SNW1: variants seen among roughly 807,000 people sequenced by gnomAD.
The protein encoded by SNW1 is SNW domain containing 1, also known as SNW domain-containing protein 1.
Under a neutral mutation model 75.6 loss-of-function variants are expected in SNW1, and 9 were observed. The ratio of observed to expected loss-of-function variants is 0.12; its 90% CI spans 0.07 to 0.21. The LOEUF (loss-of-function observed/expected upper bound fraction) is 0.21, where lower values mean the gene tolerates loss of function less well. SNW1 is among the 10% of genes least tolerant of loss of function. The probability of loss-of-function intolerance (pLI) is 1.00; values close to 1 mark genes in which losing one functional copy is unlikely to be tolerated. For missense variants in SNW1, 409 were observed against 670.9 expected, an observed-to-expected ratio of 0.61 and a Z score of 4.31; for synonymous variants, 200 against 219.1, an observed-to-expected ratio of 0.91 and a Z score of 0.77.
chr14:77,757,044 G>A (rs1395817564), intron 1 of SNW1, among the ~76,000 whole-genome samples: 1 of 152,178 alleles, frequency 6.6e-6, no homozygotes, highest in Non-Finnish European at 1.5e-5. Flanking sequence ...ATTACAAAAG[G>A]ATCCTGATGG....
chr14:77,738,382 G>A (rs1043974028), intron 5 of SNW1, among the ~76,000 whole-genome samples: 1 of 152,094 alleles, frequency 6.6e-6, no homozygotes, highest in African/African-American at 2.4e-5. Context: ...GACAAGGCAG[G>A]AGGACTGCTT....
intron 3 of SNW1, among the ~76,000 whole-genome samples, chr14:77,750,102 G>A (rs1210898816): frequency 6.6e-6 from 1 of 152,218 alleles, no homozygotes; most frequent in African/African-American, 2.4e-5. Flanking sequence ...TCGAGAGGCT[G>A]AGGTGGGAGG....
intron 3 of SNW1, among the ~76,000 whole-genome samples, chr14:77,740,157 AAGAGAG>A (rs201162197): frequency 8.7e-6 from 1 of 114,346 alleles, no homozygotes; most frequent in African/African-American, 3.6e-5. Flanking sequence ...AAAAAAAAAA[AAGAGAG>A]AGATACAGAA....
intron 3 of SNW1, among the ~76,000 whole-genome samples, chr14:77,748,712 C>G (rs767155025): frequency 6.6e-6 from 1 of 151,836 alleles, no homozygotes; most frequent in Non-Finnish European, 1.5e-5. Flanking sequence ...CTCAGCCTCC[C>G]GAGTAGCTGG....
chr14:77,732,305 T>C (rs1240025901), intron 9 of SNW1, among the ~76,000 whole-genome samples, 180 bp downstream of exon 9: 2 of 152,210 alleles, frequency 1.3e-5, no homozygotes, highest in South Asian at 2.1e-4. Flanking sequence ...TATGTACACA[T>C]CTACAAAAGC....
intron 12 of SNW1, 55 bp from the exon 13 acceptor site, chr14:77,718,585 T>C (rs993530193): frequency 1.1e-5 from 13 of 1,208,002 alleles, no homozygotes; most frequent in Non-Finnish European, 1.3e-5. Context: ...TATCAAAAGC[T>C]GAATCATAAC....
intron 2 of SNW1, among the ~76,000 whole-genome samples, chr14:77,754,608 A>G (rs910672590): frequency 5.9e-5 from 9 of 152,114 alleles, no homozygotes; most frequent in African/African-American, 2.2e-4. Context: ...GGAGGGGAGG[A>G]GGAGGAGGAG....
intron 1 of SNW1, among the ~76,000 whole-genome samples, chr14:77,759,155 GTCC>G (rs944070958): frequency 4.2e-5 from 5 of 117,742 alleles, no homozygotes; most frequent in Non-Finnish European, 7.4e-5. Context: ...AAGCTCTGGA[GTCC>G]TCAAGACTGG....
At chr14:77,719,181 G>A (rs1045257695) in intron 12 of SNW1, among the ~76,000 whole-genome samples, 1 of 152,136 alleles carries the variant, frequency 6.6e-6, no homozygotes, top group Non-Finnish European at 1.5e-5. Context: ...GATTACAGGC[G>A]TGAGCCACAG....
At chr14:77,728,051 T>TAAAA (rs60328090) in intron 10 of SNW1, among the ~76,000 whole-genome samples, 12 of 143,810 alleles carry the variant, frequency 8.3e-5, no homozygotes, top group South Asian at 2.2e-4. Context: ...TGTTAATTGT[T>TAAAA]AAAAAAAAAA....
At chr14:77,727,570 C>T (rs2080595301) in intron 10 of SNW1, among the ~76,000 whole-genome samples, 1 of 152,104 alleles carries the variant, frequency 6.6e-6, no homozygotes, top group African/African-American at 2.4e-5. Context: ...CTTCTAAGCC[C>T]ACTTTGTTGA....
intron 1 of SNW1, among the ~76,000 whole-genome samples, chr14:77,759,733 T>C (rs999525287): frequency 5.9e-5 from 9 of 152,232 alleles, no homozygotes; most frequent in African/African-American, 1.9e-4. Context: ...CCCAGCACTT[T>C]GGGAGGCCTA....
intron 12 of SNW1, among the ~76,000 whole-genome samples, chr14:77,719,791 G>A (rs2080523954): frequency 2.0e-5 from 3 of 152,060 alleles, no homozygotes; most frequent in Admixed American, 2.0e-4. Flanking sequence ...TGTAAGAATT[G>A]AGATAATAAC....
At chr14:77,718,634 T>A (rs979086180) in intron 12 of SNW1, 104 bp from the exon 13 acceptor site, 7 of 695,450 alleles carry the variant, frequency 1.0e-5, no homozygotes, top group Non-Finnish European at 1.4e-5. Flanking sequence ...CAGCTCACAT[T>A]TTCAACAATC....
chr14:77,756,037 C>T (rs2080840433), intron 1 of SNW1, among the ~76,000 whole-genome samples: 1 of 152,200 alleles, frequency 6.6e-6, no homozygotes, highest in Non-Finnish European at 1.5e-5. Context: ...CCACGCCCAG[C>T]CTGTTTCCAT....
At chr14:77,752,694 T>G (rs1179809184) in intron 2 of SNW1, among the ~76,000 whole-genome samples, 2 of 152,152 alleles carry the variant, frequency 1.3e-5, no homozygotes, top group Non-Finnish European at 2.9e-5. Context: ...AAATGAGTAC[T>G]ATTAAGAAAT....
chr14:77,761,123 G>A lies in SNW1; in HGVS notation c.5C>T (p.Ala2Val). M[A>V]LTSFLPAPTQ... ...CCAATCAACAACCCACCTGGTGAGC[G>A]CCATCTTCTTCCGCTTCTTCCAGCG... The change falls in exon 1 of 14, where the codon GCG (alanine) becomes GTG (valine). Residue 2 changes from alanine (A) to valine (V), a missense_variant. Physicochemically the swap from Ala to Val is moderately conservative, Grantham distance 64. Around this residue, in one of 9 missense-constraint regions of SNW1, gnomAD observed 73 missense variants for 68.3 expected, o/e 1.07. Transcript: ENST00000261531. The A allele has an allele frequency of 6.2e-7, 1 of 1,614,210 alleles. No individual in the cohort carries two copies.
At chr14:77,735,898 T>C (rs2080667218) in intron 7 of SNW1, 39 bp downstream of exon 7, 1 of 1,530,084 alleles carries the variant, frequency 6.5e-7, no homozygotes, top group Non-Finnish European at 9.0e-7. Flanking sequence ...TTAATAACCA[T>C]GAGTAGAAAA....
intron 5 of SNW1, 53 bp downstream of exon 5, chr14:77,738,725 C>G (rs556677111): frequency 7.4e-7 from 1 of 1,357,342 alleles, no homozygotes; most frequent in South Asian, 1.2e-5. Context: ...CCATGACCCC[C>G]CAAGCTGAAT....
Sources: allele counts gnomAD v4.1 joint callset (sites outside exome capture counted in the v4.1 genomes callset), GRCh38; gene constraint gnomAD v4.1.1; regional missense constraint gnomAD v4.1.1; transcripts MANE v1.5; gene names NCBI Gene and HGNC (gene_info 2026-07-23, HGNC 2026-07-21).